The following NLGN1 variants were observed in gnomAD, a reference collection of about 807,000 sequenced individuals.
NLGN1 encodes the protein neuroligin-1.
A neutral mutation model predicts 65.5 loss-of-function variants in NLGN1; 12 were observed. The ratio of observed to expected loss-of-function variants is 0.18; its 90% CI spans 0.12 to 0.30. NLGN1 has a LOEUF of 0.30. NLGN1 is among the 10% of genes least tolerant of loss of function. The pLI is 1.00. For synonymous variants in NLGN1, 350 were observed against 359.5 expected (o/e 0.97, Z 0.30); for missense variants, 750 against 1,007.1 (o/e 0.74, Z 3.46).
At chr3:174,240,859 C>G (rs946410139) in intron 4 of NLGN1, among the ~76,000 whole-genome samples, 8 of 152,134 alleles carry the variant, frequency 5.3e-5, no homozygotes, top group African/African-American at 1.4e-4. Flanking sequence ...GGACTGCTTC[C>G]TGTCAGGGGA....
chr3:173,998,984 C>T (rs570811839), intron 4 of NLGN1, among the ~76,000 whole-genome samples: 4 of 152,286 alleles, frequency 2.6e-5, no homozygotes, highest in Admixed American at 6.5e-5. Flanking sequence ...AACTCTTAGC[C>T]GTAGTCGCAC....
At chr3:173,891,610 G>GATTT (rs1735349762) in intron 4 of NLGN1, among the ~76,000 whole-genome samples, 2 of 152,142 alleles carry the variant, frequency 1.3e-5, no homozygotes, top group Non-Finnish European at 2.9e-5. Flanking sequence ...CTGTGAGGAT[G>GATTT]ATTTACTCCT....
intron 4 of NLGN1, among the ~76,000 whole-genome samples, chr3:174,016,409 C>T (rs1453376810): frequency 6.6e-6 from 1 of 152,174 alleles, no homozygotes; most frequent in Non-Finnish European, 1.5e-5. Context: ...ATTCACACAG[C>T]ATTGCAATGA....
chr3:174,237,607 A>G lies in NLGN1; in HGVS notation c.647-37708A>G, dbSNP rs571285679. On this transcript the variant is annotated intron_variant, in intron 4 of 6. Transcript: ENST00000457714. ...CAGTCTTACTCTGTCACCCAGCTGG[A>G]CTGCAGTGGCATGATCTCTGCTCAC... Among the ~76,000 whole-genome samples the G allele has an allele frequency of 3.9e-5, 6 of 152,234 alleles. No individual in the cohort carries two copies. The East Asian group carries it at 9.7e-4, about 25-fold the overall frequency.
chr3:173,806,759 T>C (rs1339251281), intron 3 of NLGN1, among the ~76,000 whole-genome samples: 1 of 152,138 alleles, frequency 6.6e-6, no homozygotes, highest in African/African-American at 2.4e-5. Context: ...TTCTAGATCC[T>C]TGTTGAAAAT....
At chr3:174,186,772 T>G (rs1731477961) in intron 4 of NLGN1, among the ~76,000 whole-genome samples, 1 of 152,036 alleles carries the variant, frequency 6.6e-6, no homozygotes, top group Non-Finnish European at 1.5e-5. Context: ...TATGCAAAAC[T>G]GTGTTCTAAG....
chr3:174,146,783 G>C (rs1055135509), intron 4 of NLGN1, among the ~76,000 whole-genome samples: 1 of 150,702 alleles, frequency 6.6e-6, no homozygotes. Flanking sequence ...GGCCAGGCTG[G>C]TCTCAAACTC....
At chr3:173,539,624 T>TA (rs1271583407) in intron 2 of NLGN1, among the ~76,000 whole-genome samples, 3 of 55,054 alleles carry the variant, frequency 5.4e-5, no homozygotes, top group Non-Finnish European at 1.2e-4. Flanking sequence ...TATTATATAT[T>TA]TATATATACA....
chr3:173,823,384 A>G (rs1720701493), intron 4 of NLGN1, among the ~76,000 whole-genome samples: 1 of 152,124 alleles, frequency 6.6e-6, no homozygotes, highest in Non-Finnish European at 1.5e-5. Flanking sequence ...TCAAACTAAT[A>G]TATCCAAAAT....
intron 3 of NLGN1, among the ~76,000 whole-genome samples, chr3:173,608,982 C>T (rs1474879992): frequency 1.3e-5 from 2 of 151,918 alleles, no homozygotes; most frequent in East Asian, 1.9e-4. Flanking sequence ...ATTAAGATCC[C>T]CACATATTCC....
chr3:173,843,645 C>T lies in NLGN1; in HGVS notation c.646+35813C>T, dbSNP rs145344655. ...AACATAACAAGAGTCACCTTTGCTCCAGTTGCAACAAGTTCCTCATTTCCA... is the reference window on the plus strand; with the variant it reads ...AACATAACAAGAGTCACCTTTGCTCTAGTTGCAACAAGTTCCTCATTTCCA... On this transcript the variant is annotated intron_variant, in intron 4 of 6. Transcript: ENST00000457714. 7.0e-3 allele frequency among the ~76,000 whole-genome samples: 1,071 copies of T among 152,320 alleles called. 19 individuals are homozygous for T. Among genetic ancestry groups the T allele is most frequent in the African/African-American group, 0.025 (1,023 of 41,568 alleles).
chr3:173,592,763 C>A (rs1377106806), intron 2 of NLGN1, among the ~76,000 whole-genome samples: 2 of 152,162 alleles, frequency 1.3e-5, no homozygotes, highest in Non-Finnish European at 2.9e-5. Context: ...ACCAACAATT[C>A]AAAAGACACA....
chr3:173,553,830 A>G (rs1286617731), intron 2 of NLGN1, among the ~76,000 whole-genome samples: 1 of 152,154 alleles, frequency 6.6e-6, no homozygotes, highest in African/African-American at 2.4e-5. Context: ...CTATTTTGTG[A>G]AGACTTGGAA....
intron 2 of NLGN1, among the ~76,000 whole-genome samples, chr3:173,529,966 C>CTTTTTTTTTTT (rs930436367): frequency 6.8e-6 from 1 of 146,210 alleles, no homozygotes; most frequent in African/African-American, 2.6e-5. Context: ...CTTTCTTTTC[C>CTTTTTTTTTTT]TTTTTTTTTT....
At chr3:173,709,822 A>G (rs979527224) in intron 3 of NLGN1, among the ~76,000 whole-genome samples, 1 of 151,580 alleles carries the variant, frequency 6.6e-6, no homozygotes, top group East Asian at 1.9e-4. Flanking sequence ...AAAAAAAAAA[A>G]AAAAATCAAG....
chr3:173,946,808 A>G lies in NLGN1; in HGVS notation c.646+138976A>G, dbSNP rs1747247499. On this transcript the variant is annotated intron_variant, in intron 4 of 6. Coordinates refer to ENST00000457714, the Ensembl canonical transcript of NLGN1. ...TGAAATATGGAATCTTGTTTCTTTA[A>G]TTTACACTGGCGAGAATAAATGCTT... 2.0e-5 allele frequency among the ~76,000 whole-genome samples: 3 copies of G among 152,222 alleles called. No homozygotes were observed. In the South Asian group the frequency reaches 6.2e-4, roughly 32 times the overall value.
chr3:173,451,781 C>T (rs555174642), intron 2 of NLGN1, among the ~76,000 whole-genome samples: 19 of 152,288 alleles, frequency 1.2e-4, no homozygotes, highest in Non-Finnish European at 1.9e-4. Flanking sequence ...CCCGCAGCCT[C>T]GCTGCCACCT....
intron 2 of NLGN1, among the ~76,000 whole-genome samples, chr3:173,463,678 A>G (rs933835631): frequency 8.5e-5 from 13 of 152,144 alleles, no homozygotes; most frequent in Non-Finnish European, 1.6e-4. Flanking sequence ...TATCCTTTCA[A>G]CTATGTATTT....
intron 4 of NLGN1, among the ~76,000 whole-genome samples, chr3:173,884,427 G>A (rs1359694043): frequency 1.3e-5 from 2 of 152,078 alleles, no homozygotes; most frequent in African/African-American, 2.4e-5. Context: ...GATTTATGAT[G>A]TGTGCTATAT....
Sources: allele counts gnomAD v4.1 joint callset (sites outside exome capture counted in the v4.1 genomes callset), GRCh38; gene constraint gnomAD v4.1.1; transcripts MANE v1.5; gene names NCBI Gene and HGNC (gene_info 2026-07-23, HGNC 2026-07-21).